Variants in ZNF18 observed in about 807,000 individuals in gnomAD.
ZNF18 encodes heart development-specific gene 1 protein.
ZNF18 carries 42 observed loss-of-function variants against 58.1 expected under a neutral mutation model. The ratio of observed to expected loss-of-function variants is 0.72; its 90% CI spans 0.56 to 0.93. The LOEUF (loss-of-function observed/expected upper bound fraction) is 0.93. Among genes scored for constraint, ZNF18 ranks in the 40% least tolerant of loss-of-function variants. ZNF18 has a pLI of 0.00. For synonymous variants in ZNF18, 231 were observed against 239.8 expected (o/e 0.96, Z 0.34); for missense variants, 540 against 644.2 (o/e 0.84, Z 1.75).
Position 11,983,512 on chromosome 17 carries a change from G to C in ZNF18, c.752-105C>G. 4 of 820,792 alleles carry C rather than the reference G, an allele frequency of 4.9e-6. No homozygotes were observed. In the East Asian group the frequency reaches 7.5e-5, roughly 15 times the overall value. The allele number at this position is 820,792 out of a possible 1,614,324, so 50.8% of individuals were successfully genotyped here. ...CCTACGCATGAGGGAAAATATGAAG[G>C]CTCTGGACACTTGCAGAAACTCACC... On this transcript the variant is annotated intron_variant, in intron 5 of 6. Transcript: ENST00000580306.
chr17:11,992,623 C>T lies in ZNF18; in HGVS notation c.207G>A (p.Trp69Ter). ...CTTTGGTGTGAACCTCTGGCTGTAG[C>T]CACTGGAAACAGAGCTTCCGAAGTT... ...LKQLRKLCFQWLQPEVHTKEQ... is the reference protein window; with the variant it reads ...LKQLRKLCFQ Residue 69 changes from tryptophan (W) to a stop codon, truncating the protein, a stop_gained, in exon 2 of 7, where the codon TGG becomes TGA. Coordinates refer to ENST00000580306, the MANE Select transcript of ZNF18 (RefSeq NM_001303281.2). LOFTEE classifies it high-confidence loss of function. The T allele has an allele frequency of 2.5e-6, 4 of 1,614,198 alleles. No individual in the cohort carries two copies. Among genetic ancestry groups the T allele is most frequent in the Non-Finnish European group, 3.4e-6 (4 of 1,180,034 alleles).
At chr17:12,009,698 C>G in the ZNF18 span, among the ~76,000 whole-genome samples, 1 of 152,034 alleles carries the variant, frequency 6.6e-6, no homozygotes, top group Non-Finnish European at 1.5e-5. Context: ...AGTGATCCAC[C>G]CGCCTCAGCC....
intron 4 of ZNF18, among the ~76,000 whole-genome samples, chr17:11,984,434 C>T (rs1238469706): frequency 6.6e-6 from 1 of 152,012 alleles, no homozygotes; most frequent in Non-Finnish European, 1.5e-5. Context: ...GCTTTACATT[C>T]TGCACCTCTT....
the ZNF18 span, among the ~76,000 whole-genome samples, chr17:12,007,560 G>C: frequency 2.0e-5 from 3 of 152,196 alleles, no homozygotes; most frequent in South Asian, 6.2e-4. Flanking sequence ...TGCTGACTTT[G>C]GGCAGTCAGA....
the ZNF18 span, among the ~76,000 whole-genome samples, chr17:12,004,522 T>C: frequency 2.6e-5 from 4 of 152,128 alleles, no homozygotes; most frequent in Non-Finnish European, 5.9e-5. Flanking sequence ...TGGAAGGTAA[T>C]GATAATGCCA....
Position 11,992,650 on chromosome 17 carries a change from C to T in ZNF18, c.180G>A (p.Lys60=). The T allele has an allele frequency of 6.2e-7, 1 of 1,614,248 alleles. No homozygotes were observed. The highest frequency in any genetic ancestry group is 8.5e-7 in the Non-Finnish European group (1 of 1,180,046). Residue 60 remains lysine, a synonymous_variant, in exon 2 of 7, where the codon AAG becomes AAA. Transcript: ENST00000580306. The part of the protein sequence containing the change: ...QVMSGPHETL[K]QLRKLCFQWL... ...ACTGGAAACAGAGCTTCCGAAGTTG[C>T]TTCAAGGTCTCATGAGGCCCAGACA...
At chr17:11,999,929 T>C (rs535848353), upstream of ZNF18, among the ~76,000 whole-genome samples, 1 of 152,136 alleles carries the variant, frequency 6.6e-6, no homozygotes, top group African/African-American at 2.4e-5. Flanking sequence ...GCAAAAGTTT[T>C]TGTTGTTGTT....
chr17:12,011,203 T>C, the ZNF18 span: 2 of 538,300 alleles, frequency 3.7e-6, no homozygotes, highest in South Asian at 2.2e-5. Context: ...GTGCCTCTCC[T>C]CTTTCACTTT....
chr17:11,997,107 AG>A (rs968782978), intron 1 of ZNF18: 4 of 152,228 alleles, frequency 2.6e-5, no homozygotes, highest in African/African-American at 9.7e-5. Context: ...ACTCATTTTC[AG>A]CCCTTAGGGG....
the ZNF18 span, among the ~76,000 whole-genome samples, chr17:12,009,353 A>T: frequency 6.6e-6 from 1 of 151,970 alleles, no homozygotes; most frequent in South Asian, 2.1e-4. Context: ...CTTTTATTCC[A>T]AATTGTATCA....
At chr17:12,015,562 T>A in the ZNF18 span, among the ~76,000 whole-genome samples, 2 of 152,248 alleles carry the variant, frequency 1.3e-5, no homozygotes, top group Non-Finnish European at 2.9e-5. Flanking sequence ...TATTTTATTT[T>A]AAAAAATTTC....
At chr17:11,987,001 G>A (rs1350219486) in intron 4 of ZNF18, among the ~76,000 whole-genome samples, 3 of 152,170 alleles carry the variant, frequency 2.0e-5, no homozygotes, top group Admixed American at 6.5e-5. Flanking sequence ...TGGGTACTTC[G>A]AATAAAACCT....
Position 11,992,537 on chromosome 17 carries a change from T to A in ZNF18, c.293A>T (p.Gln98Leu). 1 of 1,614,210 alleles carries A rather than the reference T, an allele frequency of 6.2e-7. No homozygotes were observed. Among genetic ancestry groups the A allele is most frequent in the Non-Finnish European group, 8.5e-7 (1 of 1,180,020 alleles). Residue 98 changes from glutamine (Q) to leucine (L), a missense_variant, in exon 2 of 7, where the codon CAG becomes CTG. Coordinates refer to ENST00000580306, the MANE Select transcript of ZNF18 (RefSeq NM_001303281.2). ...TGGACACTGTTTCCGCACCCACATC[T>A]GGATCTCCCCAGGCAGGATGGTCAG... The part of the protein sequence containing the change: ...QFLTILPGEI[Q>L]MWVRKQCPGS...
intron 6 of ZNF18, among the ~76,000 whole-genome samples, chr17:11,980,523 C>T (rs1256219132): frequency 1.3e-5 from 2 of 152,002 alleles, no homozygotes; most frequent in African/African-American, 2.4e-5. Context: ...CAGGTTCAAG[C>T]GATTCTCCTG....
intron 6 of ZNF18, among the ~76,000 whole-genome samples, chr17:11,979,531 G>A (rs994608137): frequency 3.3e-5 from 5 of 152,138 alleles, no homozygotes; most frequent in African/African-American, 1.2e-4. Context: ...GCAACTGGAA[G>A]TTTGTTTTTC....
chr17:12,018,694 A>C, the ZNF18 span, among the ~76,000 whole-genome samples: 1 of 152,210 alleles, frequency 6.6e-6, no homozygotes, highest in East Asian at 1.9e-4. Flanking sequence ...AAGCTCATAC[A>C]TAGCTTCCTC....
chr17:12,020,800 G>A, the ZNF18 span: 2 of 555,354 alleles, frequency 3.6e-6, no homozygotes, highest in Non-Finnish European at 5.3e-6. Context: ...GCCAAGGCGG[G>A]GGTAAGCCTC....
intron 6 of ZNF18, among the ~76,000 whole-genome samples, chr17:11,982,712 T>G (rs936077834): frequency 2.1e-5 from 3 of 140,326 alleles, no homozygotes; most frequent in Non-Finnish European, 4.7e-5. Flanking sequence ...GTTTCGCAAT[T>G]AGTTTTTACG....
chr17:11,982,427 T>C (rs904246303), intron 6 of ZNF18, among the ~76,000 whole-genome samples: 20 of 152,346 alleles, frequency 1.3e-4, no homozygotes, highest in Admixed American at 7.8e-4. Context: ...GGTTATGCAA[T>C]GCAGTTTGAA....
Sources: allele counts gnomAD v4.1 joint callset (sites outside exome capture counted in the v4.1 genomes callset), GRCh38; gene constraint gnomAD v4.1.1; transcripts MANE v1.5; gene names NCBI Gene and HGNC (gene_info 2026-07-23, HGNC 2026-07-21).